The following CD200R1L variants were observed in gnomAD, a reference collection of about 807,000 sequenced individuals.
CD200R1L encodes CD200 receptor 1 like, also known as cell surface glycoprotein CD200 receptor 2.
CD200R1L carries 14 observed loss-of-function variants against 24.8 expected under a neutral mutation model. The observed-to-expected ratio is 0.56, with a 90% CI of 0.37 to 0.88. The LOEUF (loss-of-function observed/expected upper bound fraction) is 0.88. CD200R1L is among the 40% of genes least tolerant of loss of function. CD200R1L has a pLI of 0.00. For synonymous variants in CD200R1L, 111 were observed against 109.2 expected (o/e 1.02, Z -0.11); for missense variants, 299 against 297.8 (o/e 1.00, Z -0.03).
Position 112,827,511 on chromosome 3 carries a change from C to G in CD200R1L, c.223G>C (p.Glu75Gln). 6.2e-7 allele frequency: 1 copy of G among 1,614,198 alleles called. No individual in the cohort carries two copies. The highest frequency in any genetic ancestry group is 8.5e-7 in the Non-Finnish European group (1 of 1,180,028). Residue 75 changes from glutamate to glutamine, a missense_variant, in exon 5 of 8, where the codon GAG becomes CAG. Transcript: ENST00000488794. ...NETKETNCTVERITWVSRPDQ... is the reference protein window; with the variant it reads ...NETKETNCTVQRITWVSRPDQ... The stretch of plus-strand genomic sequence containing the variant: ...GGTCTAGAGACCCAGGTTATTCTCT[C>G]AACAGTACAGTTGGTTTCCTTGGTC...
At chr3:112,820,424 C>G (rs189398873) in intron 6 of CD200R1L, among the ~76,000 whole-genome samples, 2 of 152,078 alleles carry the variant, frequency 1.3e-5, no homozygotes, top group East Asian at 3.9e-4. Context: ...TTAGGAACAT[C>G]ATTCTTTTTT....
At chr3:112,832,805 G>T (rs1938833131) in intron 3 of CD200R1L, among the ~76,000 whole-genome samples, 1 of 152,176 alleles carries the variant, frequency 6.6e-6, no homozygotes, top group African/African-American at 2.4e-5. Context: ...TATTCCACAG[G>T]ACAGTAGAGA....
intron 7 of CD200R1L, among the ~76,000 whole-genome samples, chr3:112,816,846 T>G (rs1224607494): frequency 6.6e-6 from 1 of 152,142 alleles, no homozygotes; most frequent in Admixed American, 6.5e-5. Flanking sequence ...AGTGAATAAG[T>G]GTCATGAGTT....
rs924892430 is a variant in CD200R1L at position 112,815,875 on chromosome 3, C to G, written c.*88G>C. The stretch of plus-strand genomic sequence containing the variant: ...TCTATCCTTAACATCATCCATGGCC[C>G]AAGTTCACTGCTGGACCATCACTCA... On this transcript the variant is annotated 3_prime_UTR_variant, in exon 8 of 8. Transcript: ENST00000488794. 3.9e-6 allele frequency: 3 copies of G among 761,150 alleles called. No homozygotes were observed. In the African/African-American group the frequency reaches 5.2e-5, roughly 13 times the overall value. The allele number at this position is 761,150 out of a possible 1,614,324, so 47.1% of individuals were successfully genotyped here. A position where few individuals can be genotyped will look rare whatever the true frequency, so the allele number is the denominator to read the frequency against.
chr3:112,830,235 G>A (rs1327534295), intron 3 of CD200R1L, among the ~76,000 whole-genome samples: 1 of 152,156 alleles, frequency 6.6e-6, no homozygotes, highest in Non-Finnish European at 1.5e-5. Flanking sequence ...CCTAACACTT[G>A]GTATGGTTAG....
intron 3 of CD200R1L, among the ~76,000 whole-genome samples, chr3:112,830,825 A>G (rs930032828): frequency 6.6e-6 from 1 of 151,520 alleles, no homozygotes; most frequent in Non-Finnish European, 1.5e-5. Context: ...AGGAGAGAGG[A>G]GAGATATTTT....
At chr3:112,820,482 G>C (rs186958926) in intron 6 of CD200R1L, among the ~76,000 whole-genome samples, 120 of 152,026 alleles carry the variant, frequency 7.9e-4, no homozygotes, top group Non-Finnish European at 1.6e-4. Flanking sequence ...TCAGGCTCTA[G>C]TGCAGCGGCG....
intron 3 of CD200R1L, among the ~76,000 whole-genome samples, chr3:112,831,539 A>T (rs1244164243): frequency 6.6e-6 from 1 of 152,210 alleles, no homozygotes; most frequent in East Asian, 1.9e-4. Flanking sequence ...TGAAAATAAA[A>T]TCATTACAAG....
intron 2 of CD200R1L, among the ~76,000 whole-genome samples, chr3:112,842,334 A>G (rs1316469517): frequency 2.6e-5 from 4 of 152,202 alleles, no homozygotes; most frequent in Admixed American, 2.6e-4. Flanking sequence ...GTTCCCAAAT[A>G]ATACTTTTAT....
chr3:112,844,513 G>A (rs1197690099), intron 2 of CD200R1L, among the ~76,000 whole-genome samples: 1 of 152,156 alleles, frequency 6.6e-6, no homozygotes, highest in African/African-American at 2.4e-5. Context: ...ACAGAGGCAT[G>A]ACATATAAAA....
At chr3:112,820,479 C>G (rs1374509219) in intron 6 of CD200R1L, among the ~76,000 whole-genome samples, 5 of 151,998 alleles carry the variant, frequency 3.3e-5, no homozygotes, top group Admixed American at 6.6e-5. Context: ...CTCTCAGGCT[C>G]TAGTGCAGCG....
At chr3:112,825,508 A>T (rs1938636889) in intron 6 of CD200R1L, among the ~76,000 whole-genome samples, 1 of 151,216 alleles carries the variant, frequency 6.6e-6, no homozygotes, top group Non-Finnish European at 1.5e-5. Context: ...TTTATATTTT[A>T]TTTGGCACTT....
intron 6 of CD200R1L, among the ~76,000 whole-genome samples, chr3:112,825,287 G>A (rs1296054958): frequency 1.3e-5 from 2 of 150,390 alleles, no homozygotes; most frequent in East Asian, 1.9e-4. Context: ...ATGTAAAAGG[G>A]AACAGAGGAA....
intron 6 of CD200R1L, 142 bp downstream of exon 6, chr3:112,826,851 T>C: frequency 1.1e-6 from 1 of 920,394 alleles, no homozygotes; most frequent in Non-Finnish European, 1.6e-6. Flanking sequence ...GATTCTAGCG[T>C]TGTAATGCAT....
chr3:112,824,080 C>T (rs1457333092), intron 6 of CD200R1L, among the ~76,000 whole-genome samples: 2 of 152,026 alleles, frequency 1.3e-5, no homozygotes, highest in African/African-American at 4.8e-5. Flanking sequence ...AGAGTTGTTA[C>T]AAGGACATTG....
intron 3 of CD200R1L, among the ~76,000 whole-genome samples, chr3:112,835,701 C>A (rs72950324): frequency 6.6e-6 from 1 of 152,088 alleles, no homozygotes; most frequent in Non-Finnish European, 1.5e-5. Context: ...CGAGGGGCAC[C>A]TGCAGGCCAA....
At chr3:112,842,234 G>T (rs1025595838) in intron 2 of CD200R1L, among the ~76,000 whole-genome samples, 1 of 152,248 alleles carries the variant, frequency 6.6e-6, no homozygotes, top group African/African-American at 2.4e-5. Flanking sequence ...CCACAGCAGT[G>T]TTGCGGGAAG....
intron 3 of CD200R1L, among the ~76,000 whole-genome samples, chr3:112,836,111 G>A (rs927570754): frequency 6.6e-6 from 1 of 152,246 alleles, no homozygotes; most frequent in African/African-American, 2.4e-5. Context: ...AGCAGGGAGT[G>A]AGGTTGAGGC....
At chr3:112,819,675 G>T in intron 7 of CD200R1L, 97 bp downstream of exon 7, 1 of 1,308,390 alleles carries the variant, frequency 7.6e-7, no homozygotes, top group Non-Finnish European at 1.0e-6. Flanking sequence ...TACCAAAAAA[G>T]TGTCAAGCTT....
Sources: allele counts gnomAD v4.1 joint callset (sites outside exome capture counted in the v4.1 genomes callset), GRCh38; gene constraint gnomAD v4.1.1; transcripts MANE v1.5; gene names NCBI Gene and HGNC (gene_info 2026-07-23, HGNC 2026-07-21).